Variants in RPS6KC1 observed in about 807,000 individuals in gnomAD.
The protein encoded by RPS6KC1 is ribosomal protein S6 kinase C1, also known as inactive ribosomal protein S6 kinase delta-1.
A neutral mutation model predicts 103.8 loss-of-function variants in RPS6KC1; 54 were observed. That is an observed-to-expected ratio of 0.52 (90% CI 0.42 to 0.65). The LOEUF is 0.65. RPS6KC1 is among the 30% of genes least tolerant of loss of function. The pLI, the probability that RPS6KC1 is intolerant of heterozygous loss-of-function variation, is 0.00. For synonymous variants in RPS6KC1, 439 were observed against 438.7 expected, an observed-to-expected ratio of 1.00 and a Z score of -0.01; for missense variants, 1,151 against 1,253.8, an observed-to-expected ratio of 0.92 and a Z score of 1.24.
In RPS6KC1 at chr1:213,051,266, G is replaced by T; in HGVS notation, c.-139G>T. The T allele has an allele frequency of 1.6e-6, 1 of 630,128 alleles. No individual in the cohort carries two copies. The highest frequency in any genetic ancestry group is 2.8e-5 in the Admixed American group (1 of 35,180). 39.0% of individuals were successfully genotyped at this position (630,128 alleles called of 1,614,324 possible). ...GACCCGGAAGCAGAGCTGTGCAGCT[G>T]AGGCGCCGCCGTGGAGCCGCCTTGG... On this transcript the variant is annotated 5_prime_UTR_variant, in exon 1 of 15. Coordinates refer to ENST00000366960, the MANE Select transcript of RPS6KC1 (RefSeq NM_012424.6).
the RPS6KC1 span, among the ~76,000 whole-genome samples, chr1:213,412,261 C>T: frequency 5.9e-5 from 9 of 152,184 alleles, no homozygotes. Flanking sequence ...CTAGTTTAAA[C>T]CATCTGTCTT....
chr1:213,173,263 G>A (rs184395279), intron 7 of RPS6KC1, among the ~76,000 whole-genome samples: 37 of 152,170 alleles, frequency 2.4e-4, no homozygotes, highest in Admixed American at 1.7e-3. Context: ...TTCTTTGTTC[G>A]TTTCTGTGAT....
At chr1:213,442,958 GT>G in the RPS6KC1 span, among the ~76,000 whole-genome samples, 485 of 140,986 alleles carry the variant, frequency 3.4e-3, no homozygotes, top group Admixed American at 8.6e-3. Context: ...CTTTCTCAGG[GT>G]TTTTTTTTTT....
chr1:213,700,570 T>TG, the RPS6KC1 span, among the ~76,000 whole-genome samples: 3 of 152,092 alleles, frequency 2.0e-5, no homozygotes, highest in African/African-American at 7.2e-5. Context: ...TTTTAGGATT[T>TG]TTTTTTTCTA....
At chr1:213,670,577 A>G in the RPS6KC1 span, among the ~76,000 whole-genome samples, 3 of 152,196 alleles carry the variant, frequency 2.0e-5, no homozygotes, top group Non-Finnish European at 4.4e-5. Flanking sequence ...TCCTCTTGCA[A>G]GAAGAGCTAA....
intron 8 of RPS6KC1, among the ~76,000 whole-genome samples, chr1:213,192,692 C>T (rs2092792414): frequency 6.6e-6 from 1 of 152,056 alleles, no homozygotes; most frequent in African/African-American, 2.4e-5. Flanking sequence ...TTGTTTTTCT[C>T]ATTTCAAGTT....
chr1:213,578,689 C>T, the RPS6KC1 span, among the ~76,000 whole-genome samples: 1 of 150,922 alleles, frequency 6.6e-6, no homozygotes, highest in Non-Finnish European at 1.5e-5. Context: ...TTCATTTTGG[C>T]CAATTTCTCC....
At chr1:213,578,099 C>T in the RPS6KC1 span, among the ~76,000 whole-genome samples, 1 of 152,218 alleles carries the variant, frequency 6.6e-6, no homozygotes, top group African/African-American at 2.4e-5. Flanking sequence ...GCCCTGTGTC[C>T]CAGCCATGGC....
chr1:213,809,662 G>A, the RPS6KC1 span, among the ~76,000 whole-genome samples: 1 of 152,108 alleles, frequency 6.6e-6, no homozygotes, highest in Non-Finnish European at 1.5e-5. Context: ...TCCATATTAA[G>A]AGGATACTCA....
the RPS6KC1 span, among the ~76,000 whole-genome samples, chr1:213,861,434 C>T: frequency 6.6e-6 from 1 of 152,118 alleles, no homozygotes; most frequent in Admixed American, 6.5e-5. Flanking sequence ...TCAATAACAG[C>T]GTGGACGTGG....
At chr1:213,506,673 G>A in the RPS6KC1 span, among the ~76,000 whole-genome samples, 2 of 152,170 alleles carry the variant, frequency 1.3e-5, no homozygotes, top group African/African-American at 4.8e-5. Flanking sequence ...AGACAGAGAT[G>A]GAGGGAGATC....
At chr1:213,586,632 G>A in the RPS6KC1 span, among the ~76,000 whole-genome samples, 2 of 64,996 alleles carry the variant, frequency 3.1e-5, no homozygotes, top group Admixed American at 3.4e-4. Context: ...GACAGATGAG[G>A]AGAAGGGCAC....
chr1:213,447,801 A>T, the RPS6KC1 span, among the ~76,000 whole-genome samples: 3 of 152,268 alleles, frequency 2.0e-5, no homozygotes, highest in African/African-American at 7.2e-5. Context: ...ATTAAAAGTT[A>T]GCATTTAGAA....
chr1:213,479,514 C>T, the RPS6KC1 span, among the ~76,000 whole-genome samples: 2 of 151,870 alleles, frequency 1.3e-5, no homozygotes, highest in Non-Finnish European at 1.5e-5. Flanking sequence ...ATATATTGGT[C>T]GTTTTCTCAT....
intron 1 of RPS6KC1, among the ~76,000 whole-genome samples, chr1:213,059,170 A>G (rs896468097): frequency 3.3e-5 from 5 of 152,230 alleles, no homozygotes; most frequent in Non-Finnish European, 5.9e-5. Flanking sequence ...GGTTAGTTAC[A>G]TATGTATACA....
At chr1:213,385,376 C>G in the RPS6KC1 span, among the ~76,000 whole-genome samples, 9 of 152,154 alleles carry the variant, frequency 5.9e-5, no homozygotes, top group Non-Finnish European at 1.3e-4. Context: ...GAAACTTGCC[C>G]AGGGCCACAC....
At chr1:213,600,758 A>C in the RPS6KC1 span, among the ~76,000 whole-genome samples, 8 of 152,236 alleles carry the variant, frequency 5.3e-5, no homozygotes, top group African/African-American at 1.9e-4. Context: ...AAAAATAAAC[A>C]ACCATAGGGT....
intron 10 of RPS6KC1, among the ~76,000 whole-genome samples, chr1:213,234,086 A>C (rs2094167952): frequency 6.6e-6 from 1 of 150,600 alleles, no homozygotes; most frequent in Non-Finnish European, 1.5e-5. Flanking sequence ...GCTATGGTAC[A>C]ATCATAGCTC....
chr1:213,163,177 T>C (rs1034275548), intron 6 of RPS6KC1, among the ~76,000 whole-genome samples: 2 of 152,154 alleles, frequency 1.3e-5, no homozygotes, highest in African/African-American at 4.8e-5. Flanking sequence ...TTTTCTTTTA[T>C]GTGACTAAAG....
Sources: gnomAD v4.1 joint callset for allele counts (sites outside exome capture counted in the v4.1 genomes callset) on GRCh38, gnomAD v4.1.1 for gene constraint, MANE v1.5 for transcripts, NCBI Gene and HGNC (gene_info 2026-07-23, HGNC 2026-07-21) for gene names.